Variants in CIITA observed in about 807,000 individuals in gnomAD.
CIITA encodes the protein MHC class II transactivator.
CIITA carries 72 observed loss-of-function variants against 115.1 expected under a neutral mutation model. The ratio of observed to expected loss-of-function variants is 0.63; its 90% CI spans 0.52 to 0.76. The LOEUF (loss-of-function observed/expected upper bound fraction) is 0.76. CIITA is among the 30% of genes least tolerant of loss of function. The probability of loss-of-function intolerance (pLI) is 0.00; values close to 1 mark genes in which losing one functional copy is unlikely to be tolerated. For synonymous variants in CIITA, 763 were observed against 635.6 expected (o/e 1.20, Z -3.02); for missense variants, 1,617 against 1,463.8 (o/e 1.10, Z -1.71).
chr16:10,910,971 C>T (rs1596568346), intron 13 of CIITA, among the ~76,000 whole-genome samples: 1 of 48,956 alleles, frequency 2.0e-5, no homozygotes, highest in Non-Finnish European at 5.1e-5. Flanking sequence ...TCCCAAGAAG[C>T]CCCTTAGTCC....
At chr16:10,890,262 A>C (rs1284596860) in intron 1 of CIITA, among the ~76,000 whole-genome samples, 1 of 150,290 alleles carries the variant, frequency 6.7e-6, no homozygotes, top group Non-Finnish European at 1.5e-5. Context: ...CAGACCATCC[A>C]AGCTGCCCTG....
At chr16:10,899,386 T>C (rs1424652502) in intron 5 of CIITA, among the ~76,000 whole-genome samples, 1 of 137,376 alleles carries the variant, frequency 7.3e-6, no homozygotes, top group Non-Finnish European at 1.7e-5. Flanking sequence ...GCTGACTCCT[T>C]TGAATCTTTC....
Position 10,909,280 on chromosome 16 carries a change from C to G in CIITA, c.2816+93C>G. On this transcript the variant is annotated intron_variant, in intron 12 of 19. Transcript: ENST00000324288. ...AAGTTTGTCATGGGCATTTCCAGTG[C>G]CCCCTGTCCTCTGGGACACCCCATG... is the stretch of plus-strand genomic sequence containing the variant. The G allele has an allele frequency of 3.0e-6, 4 of 1,349,576 alleles. 1 individual carries two copies. Among genetic ancestry groups the G allele is most frequent in the Non-Finnish European group, 3.2e-6 (3 of 948,442 alleles). The allele number at this position is 1,349,576 out of a possible 1,614,324, so 83.6% of individuals were successfully genotyped here. A position where few individuals can be genotyped will look rare whatever the true frequency, so the allele number is the denominator to read the frequency against.
intron 11 of CIITA, 40 bp from the exon 12 acceptor site, chr16:10,908,989 C>G (rs757021148): frequency 1.2e-6 from 2 of 1,613,684 alleles, no homozygotes; most frequent in Non-Finnish European, 1.7e-6. Context: ...TAAGGTCTAG[C>G]CTGGTCACCG....
intron 9 of CIITA, among the ~76,000 whole-genome samples, chr16:10,904,254 C>G (rs1440673683): frequency 2.0e-5 from 3 of 152,170 alleles, no homozygotes; most frequent in African/African-American, 7.2e-5. Flanking sequence ...TGGAGTCTCA[C>G]TCTGTTGCCC....
chr16:10,922,476 T>C lies in CIITA; in HGVS notation c.3303T>C (p.His1101=), dbSNP rs748713008. 1.2e-6 allele frequency: 2 copies of C among 1,614,038 alleles called. No homozygotes were observed. Among genetic ancestry groups the C allele is most frequent in the Non-Finnish European group, 1.7e-6 (2 of 1,179,918 alleles). ...QLAASLRRCP[H]VETLAMWTPT... ...CTGCCAGCCTTCGGAGGTGTCCTCATGTGGAGACGCTGGCGTAAGTCCAGG... is the reference window on the plus strand; with the variant it reads ...CTGCCAGCCTTCGGAGGTGTCCTCACGTGGAGACGCTGGCGTAAGTCCAGG... The change falls in exon 18 of 20, where the codon CAT becomes CAC. Residue 1101 remains histidine, a synonymous_variant. Coordinates refer to ENST00000324288, the MANE Select transcript of CIITA (RefSeq NM_000246.4).
At position 10,929,436 on chromosome 16, in the gene CIITA, C is replaced by G. The variant is rs1481891990; in HGVS notation, c.*5581C>G. ...AGATGAGGTCTTGGGATGCCTCTTG[C>G]GTTCCCCCTTCTGTGGGAGCAGGTG... On this transcript the variant is annotated 3_prime_UTR_variant, in exon 20 of 20. Transcript: ENST00000324288. The surrounding 1 kb of genome is among the most constrained non-coding windows in gnomAD (Gnocchi z 4.3). 1 of 985,756 alleles carries G rather than the reference C, an allele frequency of 1.0e-6. No individual in the cohort carries two copies. Among genetic ancestry groups the G allele is most frequent in the Admixed American group, 6.1e-5 (1 of 16,264 alleles). 61.1% of individuals were successfully genotyped at this position (985,756 alleles called of 1,614,324 possible).
chr16:10,901,491 C>T lies in CIITA; in HGVS notation c.437-23C>T. 6.2e-7 allele frequency: 1 copy of T among 1,613,988 alleles called. No homozygotes were observed. Among genetic ancestry groups the T allele is most frequent in the Non-Finnish European group, 8.5e-7 (1 of 1,179,960 alleles). On this transcript the variant is annotated intron_variant, in intron 5 of 19. Transcript: ENST00000324288. The surrounding 1 kb of genome is among the most constrained non-coding windows in gnomAD (Gnocchi z 6.8). ...TTGGGACATCCTCTCCCTGGGGCAG[C>T]TGATCACATGTTTTCTCTGCAGCCT...
In CIITA at chr16:10,907,534, C is replaced by G. The variant is rs1282918894; in HGVS notation, c.2042C>G (p.Pro681Arg). The G allele has an allele frequency of 6.2e-7, 1 of 1,614,164 alleles. No individual in the cohort carries two copies. Among genetic ancestry groups the G allele is most frequent in the Admixed American group, 1.7e-5 (1 of 60,026 alleles). ...AGTACCCTACAGGAGGACCAGTTCC[C>G]ATCCGCAGACGTGAGGACCTGGGCG... ...HQSTLQEDQF[P>R]SADVRTWAMA... Residue 681 changes from proline to arginine, a missense_variant, in exon 11 of 20, where the codon CCA becomes CGA. Pro to Arg is a moderately radical substitution (Grantham distance 103, BLOSUM62 -2). Coordinates refer to ENST00000324288, the MANE Select transcript of CIITA (RefSeq NM_000246.4). The surrounding 1 kb of genome is among the most constrained non-coding windows in gnomAD (Gnocchi z 5.0).
At position 10,941,551 on chromosome 16, in the gene CIITA, T is replaced by G; in HGVS notation, n.677T>G. ...AGCGCCCCAACCCGCCCTCATCCTGTTCAGAGAGGGCACTTACAGGCCTCG... is the reference window on the plus strand; with the variant it reads ...AGCGCCCCAACCCGCCCTCATCCTGGTCAGAGAGGGCACTTACAGGCCTCG... On this transcript the variant is annotated non_coding_transcript_exon_variant, in exon 2 of 2. Coordinates refer to the CIITA transcript ENST00000573379. This position sits in a 1 kb window ranked among gnomAD's most constrained non-coding sequence, Gnocchi z 6.4. The G allele has an allele frequency of 1.4e-6, 2 of 1,441,958 alleles. No homozygotes were observed. Among genetic ancestry groups the G allele is most frequent in the South Asian group, 3.0e-5 (2 of 66,602 alleles). 89.3% of individuals were successfully genotyped at this position (1,441,958 alleles called of 1,614,324 possible).
intron 1 of CIITA, among the ~76,000 whole-genome samples, chr16:10,867,516 T>C (rs952912004): frequency 6.8e-6 from 1 of 146,936 alleles, no homozygotes; most frequent in African/African-American, 2.5e-5. Context: ...AGGTGGAGGC[T>C]GATGGAGGAA....
chr16:10,917,303 G>T (rs954882238), intron 15 of CIITA, among the ~76,000 whole-genome samples: 1 of 152,042 alleles, frequency 6.6e-6, no homozygotes, highest in African/African-American at 2.4e-5. Context: ...AACCTTCTGA[G>T]TAGCTGGGAC....
chr16:10,922,366 A>C (rs2040320328), intron 17 of CIITA, 41 bp from the exon 18 acceptor site: 1 of 1,612,436 alleles, frequency 6.2e-7, no homozygotes, highest in Admixed American at 1.7e-5. Context: ...GGAGCTGGGG[A>C]GTCCCAAGGG....
chr16:10,923,309 G>A lies in CIITA; in HGVS notation c.*6G>A, dbSNP rs749866529. 1 of 1,612,918 alleles carries A rather than the reference G, an allele frequency of 6.2e-7. No individual in the cohort carries two copies. Among genetic ancestry groups the A allele is most frequent in the Non-Finnish European group, 8.5e-7 (1 of 1,179,368 alleles). ...CACGGATCAGCCTGAGATGATCCCA[G>A]CTGTGCTCTGGACAGGGTAACCAGG... On this transcript the variant is annotated 3_prime_UTR_variant, in exon 19 of 20. Coordinates refer to ENST00000324288, the MANE Select transcript of CIITA (RefSeq NM_000246.4). This position sits in a 1 kb window ranked among gnomAD's most constrained non-coding sequence, Gnocchi z 5.2.
chr16:10,879,731 G>T lies in CIITA; in HGVS notation c.52+2349G>T, dbSNP rs1302333257. Among the ~76,000 whole-genome samples the T allele has an allele frequency of 6.6e-6, 1 of 152,160 alleles. No homozygotes were observed. The highest frequency in any genetic ancestry group is 1.9e-4 in the East Asian group (1 of 5,188). On this transcript the variant is annotated intron_variant, in intron 1 of 19. Transcript: ENST00000324288. This position sits in a 1 kb window ranked among gnomAD's most constrained non-coding sequence, Gnocchi z 4.3. ...TGAGTCACACCCTCTAAGGAGAGAG[G>T]CTAAAGCGCCCCGGAAAGCCAGCGT...
intron 13 of CIITA, among the ~76,000 whole-genome samples, chr16:10,911,550 T>C (rs562011057): frequency 1.8e-4 from 15 of 84,198 alleles, no homozygotes; most frequent in South Asian, 1.0e-3. Context: ...CCTTTCCTTT[T>C]CTTTCCTTTT....
rs1439783863 is a variant in CIITA at position 10,932,315 on chromosome 16, T to G, written c.*8460T>G. ...ATGAAGCATTTACTTTGTGTTCACC[T>G]TGTACTACTCGAACTCATGTCTTAA... On this transcript the variant is annotated 3_prime_UTR_variant, in exon 20 of 20. Transcript: ENST00000324288. The G allele has an allele frequency of 2.0e-5, 3 of 152,254 alleles. No homozygotes were observed. The highest frequency in any genetic ancestry group is 7.2e-5 in the African/African-American group (3 of 41,460). 9.4% of individuals were successfully genotyped at this position (152,254 alleles called of 1,614,324 possible). A position where few individuals can be genotyped will look rare whatever the true frequency, so the allele number is the denominator to read the frequency against.
At chr16:10,919,412 G>T (rs1328880555) in intron 16 of CIITA, among the ~76,000 whole-genome samples, 1 of 152,274 alleles carries the variant, frequency 6.6e-6, no homozygotes, top group East Asian at 1.9e-4. Context: ...GGCCAGGCTG[G>T]TCTCAAACTC....
intron 1 of CIITA, chr16:10,878,842 G>A: frequency 4.3e-6 from 1 of 230,556 alleles, no homozygotes; most frequent in East Asian, 6.2e-5. Flanking sequence ...TAAAGCACGT[G>A]GTGGCCACAG....
Sources: gnomAD v4.1 joint callset for allele counts (sites outside exome capture counted in the v4.1 genomes callset) on GRCh38, gnomAD v4.1.1 for gene constraint, Gnocchi (gnomAD v3.1) non-coding constraint, MANE v1.5 for transcripts, NCBI Gene and HGNC (gene_info 2026-07-23, HGNC 2026-07-21) for gene names.